The following CDK19 variants were observed in gnomAD, a reference collection of about 807,000 sequenced individuals.
The protein encoded by CDK19 is cyclin-dependent kinase 19.
In CDK19, 20 loss-of-function variants were observed where a neutral mutation model predicts 68.3. That is an observed-to-expected ratio of 0.29 (90% CI 0.21 to 0.43). CDK19 has a LOEUF of 0.43. Ranked by LOEUF, CDK19 falls within the 20% of genes least tolerant of loss-of-function variation. CDK19 has a pLI of 1.00. For missense variants in CDK19, 339 were observed against 623.5 expected (o/e 0.54, Z 4.86); for synonymous variants, 221 against 222.8 (o/e 0.99, Z 0.07).
intron 1 of CDK19, among the ~76,000 whole-genome samples, chr6:110,781,923 T>A (rs1780855001): frequency 7.7e-6 from 1 of 130,056 alleles, no homozygotes; most frequent in South Asian, 2.8e-4. Context: ...CTTGCCAAAG[T>A]GGCTCCCTCA....
intron 1 of CDK19, among the ~76,000 whole-genome samples, chr6:110,763,542 A>C (rs1779373445): frequency 1.3e-5 from 2 of 151,028 alleles, no homozygotes; most frequent in African/African-American, 4.9e-5. Context: ...CAGCCTCCCG[A>C]GTAGCTGGGA....
chr6:110,663,716 C>T (rs753741093), intron 4 of CDK19, among the ~76,000 whole-genome samples: 1 of 152,002 alleles, frequency 6.6e-6, no homozygotes, highest in Admixed American at 6.6e-5. Flanking sequence ...TTTTTTGTAG[C>T]GATGGGGACT....
At chr6:110,756,553 T>TA (rs757035955) in intron 1 of CDK19, among the ~76,000 whole-genome samples, 146 of 141,204 alleles carry the variant, frequency 1.0e-3, no homozygotes, top group East Asian at 1.2e-3. Flanking sequence ...GACCCTGTCT[T>TA]AAAAAAAAAA....
chr6:110,663,585 G>A (rs898885563), intron 4 of CDK19, among the ~76,000 whole-genome samples: 3 of 152,158 alleles, frequency 2.0e-5, no homozygotes, highest in Admixed American at 6.6e-5. Context: ...GGAGTGGAGC[G>A]CAGTGGCACA....
At chr6:110,689,298 C>A (rs911681307) in intron 2 of CDK19, among the ~76,000 whole-genome samples, 1 of 152,140 alleles carries the variant, frequency 6.6e-6, no homozygotes, top group Non-Finnish European at 1.5e-5. Flanking sequence ...TGAGCCCCCA[C>A]CTGGCTTTGC....
At position 110,622,135 on chromosome 6, in the gene CDK19, T is replaced by C. The variant is rs1383983955; in HGVS notation, c.1063A>G (p.Lys355Glu). The C allele has an allele frequency of 6.2e-7, 1 of 1,612,998 alleles. No individual in the cohort carries two copies. The highest frequency in any genetic ancestry group is 1.7e-5 in the Admixed American group (1 of 59,946). ...VFAGCQIPYP[K>E]REFLNEDDPE... ...TCATCTTCATTAAGGAATTCTCGTT[T>C]GGGGTATGGAATCTGGCAGCCGGCA... Residue 355 changes from lysine to glutamate, a missense_variant, in exon 11 of 13, where the codon AAA becomes GAA. Transcript: ENST00000368911.
At chr6:110,731,140 A>G (rs560416544) in intron 2 of CDK19, among the ~76,000 whole-genome samples, 2 of 151,132 alleles carry the variant, frequency 1.3e-5, no homozygotes, top group Non-Finnish European at 2.9e-5. Context: ...GAAAAGAAAA[A>G]AGAAAAGAAA....
chr6:110,752,678 A>G (rs546967172), intron 1 of CDK19, among the ~76,000 whole-genome samples: 1 of 152,334 alleles, frequency 6.6e-6, no homozygotes, highest in African/African-American at 2.4e-5. Context: ...AAATGTGACA[A>G]CAGTTTGATT....
chr6:110,722,501 C>T (rs1775973747), intron 2 of CDK19, among the ~76,000 whole-genome samples: 1 of 148,908 alleles, frequency 6.7e-6, no homozygotes, highest in Admixed American at 6.7e-5. Flanking sequence ...GAGTTTGAGG[C>T]CAGCCTAGGC....
At chr6:110,799,682 C>T (rs1782213045) in intron 1 of CDK19, among the ~76,000 whole-genome samples, 1 of 152,084 alleles carries the variant, frequency 6.6e-6, no homozygotes, top group African/African-American at 2.4e-5. Flanking sequence ...ACTGCAGCCT[C>T]AACCTCCCCA....
chr6:110,662,107 T>C lies in CDK19; in HGVS notation c.456+5327A>G, dbSNP rs191724706. Among the ~76,000 whole-genome samples, 540 of 152,200 alleles carry C rather than the reference T, an allele frequency of 3.5e-3. 8 individuals carry two copies. Among genetic ancestry groups the C allele is most frequent in the African/African-American group, 0.012 (494 of 41,526 alleles). The stretch of plus-strand genomic sequence containing the variant: ...GCCTCAGCCTCCCGAGTAGCTGAGA[T>C]TACAGGCATGTGCCACCACACCGAG... On this transcript the variant is annotated intron_variant, in intron 4 of 12. Transcript: ENST00000368911.
At chr6:110,792,979 G>A (rs1455888625) in intron 1 of CDK19, among the ~76,000 whole-genome samples, 2 of 152,136 alleles carry the variant, frequency 1.3e-5, no homozygotes, top group Non-Finnish European at 2.9e-5. Flanking sequence ...TACAGATGGG[G>A]AAACTGAGAT....
Position 110,803,897 on chromosome 6 carries a change from A to T in CDK19, c.128+11112T>A, listed in dbSNP as rs117640114. 5.3e-4 allele frequency among the ~76,000 whole-genome samples: 81 copies of T among 152,308 alleles called. No homozygotes were observed. The East Asian group carries it at 9.6e-3, about 18-fold the overall frequency. On this transcript the variant is annotated intron_variant, in intron 1 of 12. Coordinates refer to ENST00000368911, the MANE Select transcript of CDK19 (RefSeq NM_015076.5). ...GATGGGAGGATCATTTGAGCACAGG[A>T]AGTCCAGGCTACAGCGAGCTGTGGC...
chr6:110,796,299 T>C (rs2115090712), intron 1 of CDK19, among the ~76,000 whole-genome samples: 1 of 152,262 alleles, frequency 6.6e-6, no homozygotes, highest in South Asian at 2.1e-4. Flanking sequence ...ATTGTGCCAC[T>C]GCACTCCAGC....
intron 1 of CDK19, among the ~76,000 whole-genome samples, chr6:110,806,149 G>A (rs768876650): frequency 1.3e-5 from 2 of 151,824 alleles, no homozygotes; most frequent in African/African-American, 2.4e-5. Flanking sequence ...AGACCAGCCC[G>A]GCCAACATGA....
chr6:110,709,967 T>C (rs1468481638), intron 2 of CDK19, among the ~76,000 whole-genome samples: 1 of 152,202 alleles, frequency 6.6e-6, no homozygotes. Flanking sequence ...GGTTTGACTT[T>C]AGAAATTTAT....
chr6:110,684,011 A>G (rs1324786879), intron 2 of CDK19, among the ~76,000 whole-genome samples: 1 of 151,862 alleles, frequency 6.6e-6, no homozygotes, highest in African/African-American at 2.4e-5. Flanking sequence ...GCCCAGCCTT[A>G]ATCTTTTATT....
chr6:110,617,153 CCTAAGGCAAG>C (rs1778364769), intron 12 of CDK19, among the ~76,000 whole-genome samples: 2 of 152,190 alleles, frequency 1.3e-5, no homozygotes, highest in African/African-American at 4.8e-5. Flanking sequence ...ATTCCCCTTC[CCTAAGGCAAG>C]CCATAGAAAC....
chr6:110,663,014 C>A (rs1007347160), intron 4 of CDK19, among the ~76,000 whole-genome samples: 1 of 152,076 alleles, frequency 6.6e-6, no homozygotes. Context: ...ATGAAAAACA[C>A]CAACCTTTAT....
Sources: gnomAD v4.1 joint callset for allele counts (sites outside exome capture counted in the v4.1 genomes callset) on GRCh38, gnomAD v4.1.1 for gene constraint, MANE v1.5 for transcripts, NCBI Gene and HGNC (gene_info 2026-07-23, HGNC 2026-07-21) for gene names.